Variants in MTUS2 observed in about 807,000 individuals in gnomAD.
MTUS2 encodes microtubule-associated tumor suppressor candidate 2.
A neutral mutation model predicts 114.1 loss-of-function variants in MTUS2; 40 were observed. That is an observed-to-expected ratio of 0.35 (90% CI 0.27 to 0.46). MTUS2 has a LOEUF of 0.46. MTUS2 is among the 20% of genes least tolerant of loss of function. MTUS2 has a pLI of 1.00. For missense variants in MTUS2, 1,679 were observed against 1,705.4 expected (o/e 0.98, Z 0.27); for synonymous variants, 688 against 672.0 (o/e 1.02, Z -0.37).
rs1372499884 is a variant in MTUS2, at chr13:29,047,068, G to A, written c.2446+12943G>A. 2.6e-5 allele frequency among the ~76,000 whole-genome samples: 4 copies of A among 152,312 alleles called. No individual in the cohort carries two copies. The East Asian group carries it at 5.8e-4, about 22-fold the overall frequency. ...ACTGGCCAAGGAGGCACCCCTCTGC[G>A]CAGAAGTAAAATTGCTTTGTTAAGA... On this transcript the variant is annotated intron_variant, in intron 4 of 15. Transcript: ENST00000612955.
intron 7 of MTUS2, among the ~76,000 whole-genome samples, chr13:29,326,477 CATAT>C (rs1791054190): frequency 6.6e-6 from 1 of 151,090 alleles, no homozygotes; most frequent in Admixed American, 6.6e-5. Context: ...CAATAAAATA[CATAT>C]ATATTGTTCT....
chr13:28,915,736 C>T (rs554678848), intron 2 of MTUS2, among the ~76,000 whole-genome samples: 217 of 151,780 alleles, frequency 1.4e-3, no homozygotes, highest in African/African-American at 4.4e-3. Flanking sequence ...TATTTTTCTC[C>T]GATTTTGTGG....
At chr13:29,376,065 A>ATT (rs1871721134) in intron 8 of MTUS2, among the ~76,000 whole-genome samples, 1 of 151,816 alleles carries the variant, frequency 6.6e-6, no homozygotes, top group African/African-American at 2.4e-5. Context: ...GTGTGTATAT[A>ATT]TATTTATTTA....
chr13:28,929,251 A>G (rs972202329), intron 2 of MTUS2, among the ~76,000 whole-genome samples: 1 of 152,196 alleles, frequency 6.6e-6, no homozygotes, highest in Non-Finnish European at 1.5e-5. Context: ...AGTGTTTGAT[A>G]GGCCAGTAGG....
intron 7 of MTUS2, among the ~76,000 whole-genome samples, chr13:29,351,565 C>T (rs1566147802): frequency 6.6e-6 from 1 of 152,048 alleles, no homozygotes; most frequent in African/African-American, 2.4e-5. Flanking sequence ...CTCCACTATT[C>T]TACTACAAAG....
chr13:29,153,380 G>A (rs776950714), intron 5 of MTUS2, among the ~76,000 whole-genome samples: 3 of 152,264 alleles, frequency 2.0e-5, no homozygotes, highest in Non-Finnish European at 4.4e-5. Context: ...ATGAATTAGC[G>A]AATTCTACTC....
At chr13:28,911,291 T>C (rs1048514697) in intron 2 of MTUS2, among the ~76,000 whole-genome samples, 1 of 149,018 alleles carries the variant, frequency 6.7e-6, no homozygotes, top group South Asian at 2.2e-4. Context: ...TTACCCTGCC[T>C]CAGCCTCCCA....
At chr13:28,867,942 C>G (rs969014625) in intron 2 of MTUS2, among the ~76,000 whole-genome samples, 1 of 152,158 alleles carries the variant, frequency 6.6e-6, no homozygotes, top group East Asian at 1.9e-4. Context: ...GGTTTAATGT[C>G]CTGAGATAGC....
chr13:29,378,148 A>G (rs1274990412), intron 8 of MTUS2, among the ~76,000 whole-genome samples: 1 of 152,198 alleles, frequency 6.6e-6, no homozygotes, highest in African/African-American at 2.4e-5. Context: ...GTTTTAGAAT[A>G]GTGAAGCTGT....
intron 5 of MTUS2, among the ~76,000 whole-genome samples, chr13:29,265,198 C>A (rs1235265514): frequency 6.6e-6 from 1 of 152,194 alleles, no homozygotes; most frequent in Non-Finnish European, 1.5e-5. Context: ...TTCCACACAT[C>A]CCTAGGGCAT....
At chr13:28,884,219 G>A (rs1477139381) in intron 2 of MTUS2, among the ~76,000 whole-genome samples, 1 of 152,182 alleles carries the variant, frequency 6.6e-6, no homozygotes, top group Non-Finnish European at 1.5e-5. Flanking sequence ...ATATTATTTA[G>A]CCTTAAAAAG....
At chr13:29,029,075 A>C (rs1201411033) in intron 3 of MTUS2, among the ~76,000 whole-genome samples, 1 of 152,224 alleles carries the variant, frequency 6.6e-6, no homozygotes, top group Non-Finnish European at 1.5e-5. Context: ...GAGGTGCCCC[A>C]ACAAGCCGAC....
At chr13:29,145,002 G>A (rs959034188) in intron 5 of MTUS2, among the ~76,000 whole-genome samples, 1 of 152,028 alleles carries the variant, frequency 6.6e-6, no homozygotes, top group Admixed American at 6.6e-5. Flanking sequence ...CATTTCTCTT[G>A]GTACTTTTGG....
At chr13:29,043,525 G>C (rs1335100975) in intron 4 of MTUS2, among the ~76,000 whole-genome samples, 1 of 151,672 alleles carries the variant, frequency 6.6e-6, no homozygotes, top group Non-Finnish European at 1.5e-5. Context: ...CTGTCAGTGG[G>C]GTACTGAAGT....
chr13:29,295,767 A>G (rs1269410191), intron 6 of MTUS2, among the ~76,000 whole-genome samples: 2 of 152,192 alleles, frequency 1.3e-5, no homozygotes, highest in Non-Finnish European at 2.9e-5. Context: ...CCTCACAATC[A>G]TGGTGGAAGG....
chr13:29,098,120 C>T (rs1303141106), intron 4 of MTUS2, among the ~76,000 whole-genome samples: 2 of 152,150 alleles, frequency 1.3e-5, no homozygotes, highest in Non-Finnish European at 1.5e-5. Flanking sequence ...TTGAGCTCTA[C>T]TCCAGACCAA....
At chr13:29,195,556 AAAAAAG>A (rs1894656335) in intron 5 of MTUS2, among the ~76,000 whole-genome samples, 1 of 150,372 alleles carries the variant, frequency 6.7e-6, no homozygotes, top group African/African-American at 2.4e-5. Flanking sequence ...AAAAAAAAAA[AAAAAAG>A]AGCTACAGTA....
chr13:28,977,151 G>T (rs565934874), intron 2 of MTUS2, among the ~76,000 whole-genome samples: 1 of 152,136 alleles, frequency 6.6e-6, no homozygotes, highest in Non-Finnish European at 1.5e-5. Flanking sequence ...ATCTGGTGGG[G>T]TCATTGCGGG....
At chr13:28,825,533 C>T (rs1874208744) in intron 1 of MTUS2, among the ~76,000 whole-genome samples, 1 of 152,120 alleles carries the variant, frequency 6.6e-6, no homozygotes, top group Non-Finnish European at 1.5e-5. Flanking sequence ...ACCGAGGCTC[C>T]TGCATGCCCA....
Sources: gnomAD v4.1 joint callset for allele counts (sites outside exome capture counted in the v4.1 genomes callset) on GRCh38, gnomAD v4.1.1 for gene constraint, MANE v1.5 for transcripts, NCBI Gene and HGNC (gene_info 2026-07-23, HGNC 2026-07-21) for gene names.